Variants in CDH12 observed in about 807,000 individuals in gnomAD.
CDH12 encodes the protein cadherin-12.
A neutral mutation model predicts 74.1 loss-of-function variants in CDH12; 41 were observed. That is an observed-to-expected ratio of 0.55 (90% CI 0.43 to 0.72). CDH12 has a LOEUF of 0.72. CDH12 is among the 30% of genes least tolerant of loss of function. The pLI is 0.00. For missense variants in CDH12, 945 were observed against 977.2 expected, an observed-to-expected ratio of 0.97 and a Z score of 0.44; for synonymous variants, 399 against 355.0, an observed-to-expected ratio of 1.12 and a Z score of -1.39.
chr5:22,653,174 T>A (rs1262078003), intron 1 of CDH12, among the ~76,000 whole-genome samples: 1 of 152,146 alleles, frequency 6.6e-6, no homozygotes, highest in African/African-American at 2.4e-5. Context: ...CAGCTTGGCA[T>A]GGCTATTCCC....
intron 3 of CDH12, among the ~76,000 whole-genome samples, chr5:22,385,041 T>C (rs1400431081): frequency 1.3e-5 from 2 of 152,172 alleles, no homozygotes; most frequent in African/African-American, 4.8e-5. Flanking sequence ...TGTCTTTTAG[T>C]AGAGTGAACT....
At chr5:22,825,954 T>C (rs1327080177) in intron 1 of CDH12, among the ~76,000 whole-genome samples, 2 of 152,202 alleles carry the variant, frequency 1.3e-5, no homozygotes, top group Admixed American at 1.3e-4. Flanking sequence ...ATTCACTAAT[T>C]GATGAATTAG....
chr5:22,043,608 A>T (rs1435595292), intron 5 of CDH12, among the ~76,000 whole-genome samples: 3 of 151,850 alleles, frequency 2.0e-5, no homozygotes, highest in African/African-American at 4.9e-5. Context: ...TAGATAAAAT[A>T]AAAAAATAAA....
intron 1 of CDH12, among the ~76,000 whole-genome samples, chr5:22,795,529 T>A (rs1306693954): frequency 6.6e-6 from 1 of 151,660 alleles, no homozygotes; most frequent in Non-Finnish European, 1.5e-5. Flanking sequence ...CACATATATA[T>A]ACACACTTAT....
rs185633793 is a variant in CDH12, at chr5:22,835,295, A to T, written c.-523+17763T>A. On this transcript the variant is annotated intron_variant, in intron 1 of 14. Coordinates refer to ENST00000382254, the MANE Select transcript of CDH12 (RefSeq NM_004061.5). ...TCTCGATTTGCAAAAATATTCTGGA[A>T]ATGAAAAACAGTCACATTATTGAAA... Among the ~76,000 whole-genome samples, 1,061 of 152,288 alleles carry T rather than the reference A, an allele frequency of 7.0e-3. 7 individuals are homozygous for T. Among genetic ancestry groups the T allele is most frequent in the South Asian group, 0.044 (211 of 4,824 alleles).
intron 1 of CDH12, among the ~76,000 whole-genome samples, chr5:22,763,789 A>T (rs1746355092): frequency 6.6e-6 from 1 of 151,976 alleles, no homozygotes; most frequent in African/African-American, 2.4e-5. Context: ...TTCATTTCTA[A>T]ATTTAACTGC....
At chr5:21,919,293 T>C (rs1421689479) in intron 6 of CDH12, among the ~76,000 whole-genome samples, 2 of 152,208 alleles carry the variant, frequency 1.3e-5, no homozygotes, top group African/African-American at 4.8e-5. Context: ...TATGCAGAAA[T>C]ATTTGATCAA....
intron 3 of CDH12, among the ~76,000 whole-genome samples, chr5:22,259,099 A>G (rs941183537): frequency 1.2e-4 from 19 of 152,196 alleles, no homozygotes; most frequent in African/African-American, 4.6e-4. Context: ...CATAAATTGC[A>G]GTGAGTACTG....
chr5:22,274,466 A>G (rs948365106), intron 3 of CDH12, among the ~76,000 whole-genome samples: 1 of 152,134 alleles, frequency 6.6e-6, no homozygotes, highest in Non-Finnish European at 1.5e-5. Flanking sequence ...GTCTTGGCAC[A>G]GTTTCATTTT....
At chr5:21,901,384 G>T (rs768586467) in intron 6 of CDH12, among the ~76,000 whole-genome samples, 1 of 152,082 alleles carries the variant, frequency 6.6e-6, no homozygotes, top group African/African-American at 2.4e-5. Context: ...CACATAATAA[G>T]ATCCCATGTA....
chr5:22,709,197 G>A (rs1472043927), intron 1 of CDH12, among the ~76,000 whole-genome samples: 1 of 152,196 alleles, frequency 6.6e-6, no homozygotes, highest in Non-Finnish European at 1.5e-5. Context: ...TCAGTTCTAT[G>A]AGATCTGGGA....
chr5:22,528,079 T>C (rs1428687462), intron 1 of CDH12, among the ~76,000 whole-genome samples: 2 of 152,182 alleles, frequency 1.3e-5, no homozygotes, highest in Non-Finnish European at 2.9e-5. Flanking sequence ...CCACACTTTG[T>C]ACCTAACCTT....
intron 3 of CDH12, among the ~76,000 whole-genome samples, chr5:22,399,050 T>C (rs1742590736): frequency 6.6e-6 from 1 of 152,118 alleles, no homozygotes; most frequent in African/African-American, 2.4e-5. Flanking sequence ...TTTTGGTGTG[T>C]TCTTGATAAT....
intron 3 of CDH12, among the ~76,000 whole-genome samples, chr5:22,398,764 ATT>A (rs1742578042): frequency 6.6e-6 from 1 of 152,112 alleles, no homozygotes; most frequent in Non-Finnish European, 1.5e-5. Context: ...TGGTTGTAGA[ATT>A]TCTTCTCTTC....
intron 3 of CDH12, among the ~76,000 whole-genome samples, chr5:22,295,826 C>CAGAG: frequency 6.6e-6 from 1 of 151,910 alleles, no homozygotes; most frequent in South Asian, 2.1e-4. Flanking sequence ...TATGTTCCTG[C>CAGAG]AGAGGTATAG....
At chr5:22,527,513 T>A (rs1414864632) in intron 1 of CDH12, among the ~76,000 whole-genome samples, 1 of 152,184 alleles carries the variant, frequency 6.6e-6, no homozygotes, top group Non-Finnish European at 1.5e-5. Flanking sequence ...CTCTGATTAC[T>A]GCTTTGAGTG....
chr5:21,793,224 T>G (rs1000195304), intron 10 of CDH12, among the ~76,000 whole-genome samples: 1 of 151,850 alleles, frequency 6.6e-6, no homozygotes. Context: ...TGTACCATTT[T>G]TTAAACTTTA....
intron 4 of CDH12, among the ~76,000 whole-genome samples, chr5:22,178,123 C>T (rs1749442490): frequency 6.6e-6 from 1 of 152,162 alleles, no homozygotes. Context: ...GTCAAGGCTA[C>T]CTCTCATCCC....
At chr5:21,975,751 C>T (rs1343737926) in intron 5 of CDH12, among the ~76,000 whole-genome samples, 2 of 151,980 alleles carry the variant, frequency 1.3e-5, no homozygotes, top group Non-Finnish European at 1.5e-5. Flanking sequence ...AACAAAAGTA[C>T]AACCTCAGAT....
Sources: gnomAD v4.1 joint callset for allele counts (sites outside exome capture counted in the v4.1 genomes callset) on GRCh38, gnomAD v4.1.1 for gene constraint, MANE v1.5 for transcripts, NCBI Gene and HGNC (gene_info 2026-07-23, HGNC 2026-07-21) for gene names.